TNRC6B: variants seen among roughly 807,000 people sequenced by gnomAD.
TNRC6B encodes the protein trinucleotide repeat containing adaptor 6B.
In TNRC6B, 52 loss-of-function variants were observed where a neutral mutation model predicts 203.6. The observed-to-expected ratio is 0.26, with a 90% CI of 0.20 to 0.32. TNRC6B has a LOEUF of 0.32. Among genes scored for constraint, TNRC6B ranks in the 10% least tolerant of loss-of-function variants. The probability of loss-of-function intolerance (pLI) is 1.00; values close to 1 mark genes in which losing one functional copy is unlikely to be tolerated. For missense variants in TNRC6B, 1,923 were observed against 2,286.2 expected, an observed-to-expected ratio of 0.84 and a Z score of 3.24; for synonymous variants, 838 against 845.7, an observed-to-expected ratio of 0.99 and a Z score of 0.16.
At chr22:40,079,468 G>GT (rs969061287) in intron 1 of TNRC6B, among the ~76,000 whole-genome samples, 34 of 152,006 alleles carry the variant, frequency 2.2e-4, no homozygotes, top group African/African-American at 8.2e-4. Flanking sequence ...GAAGTCTCCA[G>GT]TTTTAACTGA....
intron 1 of TNRC6B, among the ~76,000 whole-genome samples, chr22:40,233,576 C>T (rs558233898): frequency 3.3e-5 from 5 of 151,640 alleles, no homozygotes; most frequent in Admixed American, 2.6e-4. Context: ...GAGCTGAGAT[C>T]GCACCACTGC....
chr22:40,257,689 C>T (rs1306036404), intron 3 of TNRC6B, among the ~76,000 whole-genome samples: 1 of 151,614 alleles, frequency 6.6e-6, no homozygotes, highest in Non-Finnish European at 1.5e-5. Flanking sequence ...GTACTCCAGC[C>T]TGGGCAACAA....
At chr22:40,275,470 A>G (rs574891423) in intron 7 of TNRC6B, among the ~76,000 whole-genome samples, 4 of 152,188 alleles carry the variant, frequency 2.6e-5, no homozygotes, top group Non-Finnish European at 5.9e-5. Flanking sequence ...GATAAAATAC[A>G]TATAACATAT....
At position 40,189,518 on chromosome 22, in the gene TNRC6B, G is replaced by A. The variant is rs537504377; in HGVS notation, c.5+11378G>A. On this transcript the variant is annotated intron_variant, in intron 1 of 22. Coordinates refer to ENST00000454349, the MANE Select transcript of TNRC6B (RefSeq NM_001162501.2). The stretch of plus-strand genomic sequence containing the variant: ...CTGCCCAAAAAAAAAAAAAAAAAGA[G>A]GTTTCTTTCCTAATTAAAGTGAATT... 5.1e-4 allele frequency among the ~76,000 whole-genome samples: 77 copies of A among 150,852 alleles called. 1 individual carries two copies. Among genetic ancestry groups the A allele is most frequent in the Admixed American group, 2.0e-3 (31 of 15,134 alleles).
chr22:40,219,508 T>G (rs1476249485), intron 1 of TNRC6B, among the ~76,000 whole-genome samples: 1 of 151,968 alleles, frequency 6.6e-6, no homozygotes, highest in South Asian at 2.1e-4. Context: ...GCAGGGGCCC[T>G]CCCTCCCGGT....
intron 3 of TNRC6B, among the ~76,000 whole-genome samples, chr22:40,154,398 A>G (rs1395651837): frequency 1.3e-5 from 2 of 151,660 alleles, no homozygotes; most frequent in African/African-American, 4.9e-5. Context: ...TGGGAGGTGG[A>G]GGTTGCAGTG....
chr22:40,144,898 C>T (rs1431458060), intron 3 of TNRC6B, among the ~76,000 whole-genome samples: 2 of 151,584 alleles, frequency 1.3e-5, no homozygotes, highest in African/African-American at 4.9e-5. Context: ...AATTTTCTGT[C>T]TCAATCTATA....
At chr22:40,257,354 G>C (rs2070295825) in intron 3 of TNRC6B, among the ~76,000 whole-genome samples, 2 of 152,122 alleles carry the variant, frequency 1.3e-5, no homozygotes, top group Admixed American at 6.5e-5. Flanking sequence ...TACAAGAATG[G>C]AATAAGAAAA....
chr22:40,253,666 A>G, intron 3 of TNRC6B: 1 of 456,438 alleles, frequency 2.2e-6, no homozygotes, highest in Non-Finnish European at 4.4e-6. Context: ...TAAGGGATTT[A>G]ATTGTTAGAC....
rs2413621 is a variant in TNRC6B, at chr22:40,277,995, C to T, written c.3217-4C>T. ...TTCTCTCTCATCTGTTCTTTATTTT[C>T]CAGAGTCAGACTGAAGATAATCCAA... On this transcript the variant is annotated splice_region_variant and splice_polypyrimidine_tract_variant and intron_variant, in intron 8 of 22. Transcript: ENST00000454349. 1,126,571 of 1,551,844 alleles carry T rather than the reference C, an allele frequency of 0.73. 421,374 individuals carry two copies. Among genetic ancestry groups the T allele is most frequent in the East Asian group, 0.99 (42,054 of 42,390 alleles).
intron 1 of TNRC6B, among the ~76,000 whole-genome samples, chr22:40,072,047 G>C (rs150889972): frequency 6.6e-6 from 1 of 152,094 alleles, no homozygotes; most frequent in African/African-American, 2.4e-5. Context: ...TGTAGAGACA[G>C]GGTCTCACTG....
intron 1 of TNRC6B, among the ~76,000 whole-genome samples, chr22:40,045,864 G>T (rs948946467): frequency 6.6e-6 from 1 of 152,196 alleles, no homozygotes; most frequent in Non-Finnish European, 1.5e-5. Context: ...TGGAATTCAG[G>T]TTACCAGCCT....
chr22:40,251,217 C>G lies in TNRC6B; in HGVS notation c.115+17C>G, dbSNP rs770960723. 3 of 1,517,192 alleles carry G rather than the reference C, an allele frequency of 2.0e-6. No homozygotes were observed. In the South Asian group the frequency reaches 3.7e-5, roughly 19 times the overall value. The allele number at this position is 1,517,192 out of a possible 1,614,324, so 94.0% of individuals were successfully genotyped here. ...AAACCAAAGGTAAGATCTTTTTTTT[C>G]TTTTTAAATTATTTAGAACCTTTTG... On this transcript the variant is annotated intron_variant, in intron 3 of 22. Coordinates refer to ENST00000454349, the MANE Select transcript of TNRC6B (RefSeq NM_001162501.2).
At chr22:40,143,520 C>T (rs1424337016) in intron 3 of TNRC6B, among the ~76,000 whole-genome samples, 4 of 152,046 alleles carry the variant, frequency 2.6e-5, no homozygotes. Context: ...GATAGAGTCT[C>T]GCTCTGTCAC....
intron 3 of TNRC6B, among the ~76,000 whole-genome samples, chr22:40,255,181 T>C (rs997285138): frequency 3.3e-5 from 5 of 152,216 alleles, no homozygotes; most frequent in Admixed American, 1.3e-4. Context: ...CTGTCAGATA[T>C]TTTGTTCAGT....
In TNRC6B at chr22:40,279,694, G is replaced by A. The variant is rs555550997; in HGVS notation, c.3263-301G>A. On this transcript the variant is annotated intron_variant, in intron 9 of 22. Coordinates refer to ENST00000454349, the MANE Select transcript of TNRC6B (RefSeq NM_001162501.2). ...TATCCAGTCTAAATGTTTTCTTAGCGAGATTTTTGCCAGGTTATCCCTAAG... is the reference window on the plus strand; with the variant it reads ...TATCCAGTCTAAATGTTTTCTTAGCAAGATTTTTGCCAGGTTATCCCTAAG... Among the ~76,000 whole-genome samples, 6 of 152,308 alleles carry A rather than the reference G, an allele frequency of 3.9e-5. No homozygotes were observed. The East Asian group carries it at 5.8e-4, about 15-fold the overall frequency.
chr22:40,227,453 A>C (rs1160355406), intron 1 of TNRC6B, among the ~76,000 whole-genome samples: 2 of 138,564 alleles, frequency 1.4e-5, no homozygotes. Flanking sequence ...AGGTTCAAGC[A>C]ATTCTGCTGC....
chr22:40,266,713 A>AGCC lies in TNRC6B; in HGVS notation c.2490_2492dup (p.Pro832dup). On this transcript the variant is annotated inframe_insertion, in exon 5 of 23. Transcript: ENST00000454349. ...CACCAACAGCAGCAGCCCCCACAGC[A>AGCC]GCCGCCGCCACCACAACCAGAGGCT... 6.2e-7 allele frequency: 1 copy of AGCC among 1,613,900 alleles called. No individual in the cohort carries two copies. Among genetic ancestry groups the AGCC allele is most frequent in the Non-Finnish European group, 8.5e-7 (1 of 1,179,854 alleles).
intron 1 of TNRC6B, among the ~76,000 whole-genome samples, chr22:40,065,565 T>A (rs1372474996): frequency 6.6e-6 from 1 of 152,168 alleles, no homozygotes; most frequent in Non-Finnish European, 1.5e-5. Context: ...GTCTATTTCA[T>A]CTAGGTTTTC....
Sources: allele counts gnomAD v4.1 joint callset (sites outside exome capture counted in the v4.1 genomes callset), GRCh38; gene constraint gnomAD v4.1.1; transcripts MANE v1.5; gene names NCBI Gene and HGNC (gene_info 2026-07-23, HGNC 2026-07-21).